RUNX1: variants seen among roughly 807,000 people sequenced by gnomAD.
RUNX1 encodes RUNX family transcription factor 1, also known as runt-related transcription factor 1.
Under a neutral mutation model 42.8 loss-of-function variants are expected in RUNX1, and 19 were observed. The ratio of observed to expected loss-of-function variants is 0.44; its 90% CI spans 0.31 to 0.65. The LOEUF is 0.65. Among genes scored for constraint, RUNX1 ranks in the 30% least tolerant of loss-of-function variants. RUNX1 has a pLI of 0.07. For missense variants in RUNX1, 528 were observed against 672.0 expected, an observed-to-expected ratio of 0.79 and a Z score of 2.37; for synonymous variants, 271 against 289.4, an observed-to-expected ratio of 0.94 and a Z score of 0.64.
At position 34,918,127 on chromosome 21, in the gene RUNX1, CA is replaced by C. The variant is rs71324335; in HGVS notation, c.59-25165del. On this transcript the variant is annotated intron_variant, in intron 2 of 8. Transcript: ENST00000675419. ...TGGGTGACAGGGTGAGACTCTGTCT[CA>C]AAAAAAAAAAAAAAAAAAAAAGTCC... is the stretch of plus-strand genomic sequence containing the variant. Among the ~76,000 whole-genome samples, 213 of 71,262 alleles carry C rather than the reference CA, an allele frequency of 3.0e-3. 1 individual carries two copies. Among genetic ancestry groups the C allele is most frequent in the East Asian group, 4.9e-3 (10 of 2,060 alleles). The allele number at this position is 71,262 out of a possible 152,430, so 46.8% of individuals were successfully genotyped here. A position where few individuals can be genotyped will look rare whatever the true frequency, so the allele number is the denominator to read the frequency against.
At chr21:34,923,727 C>T (rs543262059) in intron 2 of RUNX1, among the ~76,000 whole-genome samples, 2 of 113,210 alleles carry the variant, frequency 1.8e-5, no homozygotes, top group South Asian at 4.5e-4. Flanking sequence ...GTCTTTCTTT[C>T]CCAACACTGC....
At chr21:34,841,774 C>T (rs762891884) in intron 6 of RUNX1, among the ~76,000 whole-genome samples, 2 of 152,202 alleles carry the variant, frequency 1.3e-5, no homozygotes, top group Non-Finnish European at 2.9e-5. Context: ...TCATCTTCTC[C>T]CTGAGGAGTT....
chr21:34,799,505 G>A (rs995786668), intron 7 of RUNX1, 43 bp from the exon 8 acceptor site: 2 of 1,577,692 alleles, frequency 1.3e-6, no homozygotes, highest in African/African-American at 2.7e-5. Flanking sequence ...AAGTGGGGTG[G>A]GATTTAAAAA....
intron 2 of RUNX1, among the ~76,000 whole-genome samples, chr21:34,967,136 T>C (rs368124967): frequency 2.6e-5 from 4 of 150,950 alleles, no homozygotes; most frequent in East Asian, 2.0e-4. Flanking sequence ...CTGGCCAACA[T>C]AGTGAAACCC....
In RUNX1 at chr21:34,843,721, C is replaced by T. The variant is rs1236337422; in HGVS notation, c.614-9120G>A. Reference sequence around the variant, plus strand: ...GCCCAAGACTCACGGGACAAAAACCCAAACAAAACTCTGCTCCCTGAGTCC... The same window carrying T: ...GCCCAAGACTCACGGGACAAAAACCTAAACAAAACTCTGCTCCCTGAGTCC... On this transcript the variant is annotated intron_variant, in intron 6 of 8. Transcript: ENST00000675419. This position sits in a 1 kb window ranked among gnomAD's most constrained non-coding sequence, Gnocchi z 4.8. Among the ~76,000 whole-genome samples, 1 of 152,152 alleles carries T rather than the reference C, an allele frequency of 6.6e-6. No individual in the cohort carries two copies. Among genetic ancestry groups the T allele is most frequent in the Non-Finnish European group, 1.5e-5 (1 of 68,024 alleles).
intron 2 of RUNX1, among the ~76,000 whole-genome samples, chr21:34,903,788 G>A (rs1325393639): frequency 6.6e-6 from 1 of 152,158 alleles, no homozygotes; most frequent in Non-Finnish European, 1.5e-5. Flanking sequence ...AGTTGGCTAA[G>A]ACTATCAATA....
At chr21:34,990,153 G>C (rs922640227) in intron 2 of RUNX1, among the ~76,000 whole-genome samples, 4 of 152,148 alleles carry the variant, frequency 2.6e-5, no homozygotes, top group Admixed American at 2.0e-4. Flanking sequence ...GAATGTCTCT[G>C]CCTGTCAGTT....
chr21:34,969,476 G>A (rs574470995), intron 2 of RUNX1, among the ~76,000 whole-genome samples: 1 of 152,240 alleles, frequency 6.6e-6, no homozygotes, highest in South Asian at 2.1e-4. Flanking sequence ...TGGAGAAATA[G>A]CAAAAGGAAA....
At chr21:34,934,233 A>C (rs1406096027) in intron 2 of RUNX1, among the ~76,000 whole-genome samples, 1 of 152,074 alleles carries the variant, frequency 6.6e-6, no homozygotes, top group Non-Finnish European at 1.5e-5. Flanking sequence ...GCCCCACCCC[A>C]AAAAGCATAT....
chr21:34,925,947 G>A (rs2058389652), intron 2 of RUNX1, among the ~76,000 whole-genome samples: 1 of 152,000 alleles, frequency 6.6e-6, no homozygotes, highest in Non-Finnish European at 1.5e-5. Context: ...TGTGCATCTC[G>A]TTGGGCCATG....
At position 34,788,838 on chromosome 21, in the gene RUNX1, A is replaced by G. The variant is rs144175289; in HGVS notation, c.*3297T>C. 35 of 233,528 alleles carry G rather than the reference A, an allele frequency of 1.5e-4. No individual in the cohort carries two copies. In the East Asian group the frequency reaches 2.0e-3, roughly 13 times the overall value. 14.5% of individuals were successfully genotyped at this position (233,528 alleles called of 1,614,324 possible). On this transcript the variant is annotated 3_prime_UTR_variant, in exon 9 of 9. Coordinates refer to ENST00000675419, the MANE Select transcript of RUNX1 (RefSeq NM_001754.5). ...ATTGTCAAACAAATTTTCATGTATAAAAGACCCAAACATGTCATTCCCCCC... is the reference window on the plus strand; with the variant it reads ...ATTGTCAAACAAATTTTCATGTATAGAAGACCCAAACATGTCATTCCCCCC...
At chr21:34,886,792 C>G (rs1016812465) in intron 4 of RUNX1, 51 bp downstream of exon 4, 2 of 1,610,568 alleles carry the variant, frequency 1.2e-6, no homozygotes, top group Non-Finnish European at 1.7e-6. Flanking sequence ...GGATCTCCCC[C>G]GGCCTCGCCG....
At chr21:34,807,706 T>C (rs2056699226) in intron 7 of RUNX1, among the ~76,000 whole-genome samples, 2 of 152,108 alleles carry the variant, frequency 1.3e-5, no homozygotes, top group Admixed American at 1.3e-4. Flanking sequence ...GACTCAGAGA[T>C]GTGAGTCAGT....
intron 2 of RUNX1, among the ~76,000 whole-genome samples, chr21:35,031,289 G>T (rs754275472): frequency 1.1e-4 from 17 of 152,240 alleles, no homozygotes; most frequent in Middle Eastern, 6.8e-3. Flanking sequence ...CAGACGTTGC[G>T]GTGAGCCGAG....
intron 7 of RUNX1, chr21:34,821,676 TC>T: frequency 6.3e-7 from 1 of 1,574,908 alleles, no homozygotes; most frequent in Non-Finnish European, 8.6e-7. Flanking sequence ...CCTTAACATC[TC>T]CAGGGTGCTG....
At chr21:34,928,202 C>A (rs2058410742) in intron 2 of RUNX1, among the ~76,000 whole-genome samples, 1 of 152,110 alleles carries the variant, frequency 6.6e-6, no homozygotes, top group African/African-American at 2.4e-5. Context: ...CTAGTGGCCA[C>A]CACACTGGAG....
intron 2 of RUNX1, among the ~76,000 whole-genome samples, chr21:35,020,230 A>C (rs1324536852): frequency 1.3e-5 from 2 of 151,974 alleles, no homozygotes; most frequent in Non-Finnish European, 2.9e-5. Context: ...TTCCTCCCCG[A>C]CCTTACTTTC....
intron 2 of RUNX1, among the ~76,000 whole-genome samples, chr21:34,948,339 TG>T (rs1370992098): frequency 6.6e-6 from 1 of 152,136 alleles, no homozygotes; most frequent in East Asian, 1.9e-4. Flanking sequence ...AGTCCATCTC[TG>T]CCCCACCTCA....
intron 4 of RUNX1, among the ~76,000 whole-genome samples, chr21:34,882,615 C>T (rs187631905): frequency 9.9e-5 from 15 of 151,948 alleles, no homozygotes; most frequent in South Asian, 2.1e-4. Flanking sequence ...AGCAGTGATA[C>T]GACAATTCCC....
Sources: gnomAD v4.1 joint callset for allele counts (sites outside exome capture counted in the v4.1 genomes callset) on GRCh38, gnomAD v4.1.1 for gene constraint, Gnocchi (gnomAD v3.1) non-coding constraint, MANE v1.5 for transcripts, NCBI Gene and HGNC (gene_info 2026-07-23, HGNC 2026-07-21) for gene names.